The following ARAP1 variants were observed in gnomAD, a reference collection of about 807,000 sequenced individuals.
The protein encoded by ARAP1 is ArfGAP with RhoGAP domain, ankyrin repeat and PH domain 1.
ARAP1 carries 76 observed loss-of-function variants against 172.2 expected under a neutral mutation model. That is an observed-to-expected ratio of 0.44 (90% confidence interval 0.37 to 0.53). The LOEUF (loss-of-function observed/expected upper bound fraction) is 0.53, where lower values mean the gene tolerates loss of function less well. Among genes scored for constraint, ARAP1 ranks in the 20% least tolerant of loss-of-function variants. The pLI is 0.00. For missense variants in ARAP1, 1,686 were observed against 1,977.5 expected (o/e 0.85, Z 2.80); for synonymous variants, 804 against 803.3 (o/e 1.00, Z -0.01).
chr11:72,711,589 T>A (rs1365786464), intron 7 of ARAP1, 90 bp from the exon 8 acceptor site: 3 of 1,116,074 alleles, frequency 2.7e-6, no homozygotes, highest in Non-Finnish European at 4.0e-6. Context: ...ACACTCAGAG[T>A]GAGGATCAGC....
At position 72,741,698 on chromosome 11, in the gene ARAP1, G is replaced by A. The variant is rs1421070876; in HGVS notation, c.-127-9101C>T. 2.4e-4 allele frequency among the ~76,000 whole-genome samples: 37 copies of A among 152,134 alleles called. No homozygotes were observed. The highest frequency in any genetic ancestry group is 5.9e-5 in the Non-Finnish European group (4 of 68,004). ...ACCGCAGCAGGGTGGGAGTGCACAG[G>A]GCTGACCACAGAATCACAGGCAGCG... On this transcript the variant is annotated intron_variant, in intron 1 of 34. Coordinates refer to ENST00000393609, the MANE Select transcript of ARAP1 (RefSeq NM_001040118.3). The surrounding 1 kb of genome is among the most constrained non-coding windows in gnomAD (Gnocchi z 4.5).
rs116733333 is a variant in ARAP1 at position 72,729,186 on chromosome 11, A to G, written c.-44-2014T>C. Among the ~76,000 whole-genome samples, 1,112 of 152,346 alleles carry G rather than the reference A, an allele frequency of 7.3e-3. 10 individuals are homozygous for G. The highest frequency in any genetic ancestry group is 0.025 in the African/African-American group (1,051 of 41,582). On this transcript the variant is annotated intron_variant, in intron 2 of 34. Coordinates refer to ENST00000393609, the MANE Select transcript of ARAP1 (RefSeq NM_001040118.3). Reference sequence around the variant, plus strand: ...TCTCAAACTTGTGGGGAAACAAGGGATTCTTAAGTTGTTGGGACAGCTGTG... The same window carrying G: ...TCTCAAACTTGTGGGGAAACAAGGGGTTCTTAAGTTGTTGGGACAGCTGTG...
intron 3 of ARAP1, among the ~76,000 whole-genome samples, chr11:72,717,591 T>C (rs1857336693): frequency 6.6e-6 from 1 of 152,166 alleles, no homozygotes; most frequent in South Asian, 2.1e-4. Context: ...GCAGGCACGT[T>C]CCCTGAAGCA....
intron 34 of ARAP1, 76 bp from the exon 35 acceptor site, chr11:72,685,757 C>T (rs1314113939): frequency 1.3e-6 from 2 of 1,576,180 alleles, no homozygotes; most frequent in Non-Finnish European, 1.7e-6. Context: ...GCTGCTGCAG[C>T]TGCTGCAGCC....
intron 27 of ARAP1, among the ~76,000 whole-genome samples, chr11:72,694,277 G>T (rs2135499093): frequency 6.6e-6 from 1 of 151,898 alleles, no homozygotes; most frequent in South Asian, 2.1e-4. Context: ...CCACCCATCA[G>T]CGAGTAGCAA....
intron 30 of ARAP1, among the ~76,000 whole-genome samples, chr11:72,691,814 G>A (rs1855944116): frequency 6.6e-6 from 1 of 152,142 alleles, no homozygotes; most frequent in South Asian, 2.1e-4. Flanking sequence ...TTTGGTACCA[G>A]GGACCAGTTC....
intron 19 of ARAP1, 33 bp from the exon 20 acceptor site, chr11:72,697,682 T>C (rs1478461127): frequency 1.2e-6 from 2 of 1,612,870 alleles, no homozygotes; most frequent in African/African-American, 2.7e-5. Context: ...GAGGCCCAGG[T>C]CTTGCTCCTG....
chr11:72,745,252 G>C (rs1358336425), intron 1 of ARAP1, among the ~76,000 whole-genome samples: 1 of 138,976 alleles, frequency 7.2e-6, no homozygotes, highest in Non-Finnish European at 1.5e-5. Flanking sequence ...GCAGTGGCTC[G>C]ATCTCGGCTC....
In ARAP1 at chr11:72,707,393, G is replaced by C; in HGVS notation, c.1524-19C>G. The C allele has an allele frequency of 6.3e-7, 1 of 1,598,798 alleles. No individual in the cohort carries two copies. The highest frequency in any genetic ancestry group is 8.5e-7 in the Non-Finnish European group (1 of 1,170,250). ...AGAGAAGCTGGGGACATAGGGGTGG[G>C]GAGATTAGTGGGGATGGACTCAGAG... On this transcript the variant is annotated intron_variant, in intron 11 of 34. Coordinates refer to ENST00000393609, the MANE Select transcript of ARAP1 (RefSeq NM_001040118.3).
rs1857062030 is a variant in ARAP1, at chr11:72,712,420, G to A, written c.878+18C>T. 2.6e-6 allele frequency: 4 copies of A among 1,556,586 alleles called. No individual in the cohort carries two copies. Among genetic ancestry groups the A allele is most frequent in the Non-Finnish European group, 2.6e-6 (3 of 1,144,766 alleles). On this transcript the variant is annotated intron_variant, in intron 6 of 34. Coordinates refer to ENST00000393609, the MANE Select transcript of ARAP1 (RefSeq NM_001040118.3). ...CTGAGGTTGGGCTCAGTGGGAAGGAGGGTGGCCGGACACTCACTTGGGGAC... is the reference window on the plus strand; with the variant it reads ...CTGAGGTTGGGCTCAGTGGGAAGGAAGGTGGCCGGACACTCACTTGGGGAC...
chr11:72,737,727 A>G (rs563088053), intron 1 of ARAP1, among the ~76,000 whole-genome samples: 164 of 151,424 alleles, frequency 1.1e-3, no homozygotes, highest in Non-Finnish European at 1.8e-3. Flanking sequence ...GGCTCAAGTG[A>G]TCCTCCTACC....
intron 3 of ARAP1, among the ~76,000 whole-genome samples, chr11:72,721,447 G>T (rs1381590416): frequency 6.6e-6 from 1 of 152,136 alleles, no homozygotes; most frequent in Admixed American, 6.5e-5. Flanking sequence ...TCCCCAGAGG[G>T]GTGTAGGGAG....
Position 72,688,019 on chromosome 11 carries a change from A to G in ARAP1, c.4071-281T>C, listed in dbSNP as rs554250350. On this transcript the variant is annotated intron_variant, in intron 31 of 34. Coordinates refer to ENST00000393609, the MANE Select transcript of ARAP1 (RefSeq NM_001040118.3). ...TTTTTTTGTTGTTGTTTTTTTTTTG[A>G]GATAGGCTCTCACTCTGTCGCCCAG... is the stretch of plus-strand genomic sequence containing the variant. 2.7e-5 allele frequency among the ~76,000 whole-genome samples: 4 copies of G among 150,250 alleles called. No individual in the cohort carries two copies. In the East Asian group the frequency reaches 7.8e-4, roughly 29 times the overall value.
At chr11:72,738,932 G>A (rs955553334) in intron 1 of ARAP1, among the ~76,000 whole-genome samples, 7 of 151,484 alleles carry the variant, frequency 4.6e-5, no homozygotes, top group Admixed American at 1.3e-4. Context: ...CCCCCTCCCC[G>A]GCCCAGTCAC....
At chr11:72,711,694 CTT>C (rs58109830) in intron 7 of ARAP1, among the ~76,000 whole-genome samples, 195 bp from the exon 8 acceptor site, 8 of 118,880 alleles carry the variant, frequency 6.7e-5, no homozygotes, top group Admixed American at 1.8e-4. Context: ...TAGCACATCT[CTT>C]TTTTTTTTTT....
chr11:72,691,877 A>G (rs1855947305), intron 30 of ARAP1, among the ~76,000 whole-genome samples: 1 of 152,160 alleles, frequency 6.6e-6, no homozygotes, highest in East Asian at 1.9e-4. Context: ...ATAAAACTGT[A>G]AAACCTCAGA....
At position 72,699,945 on chromosome 11, in the gene ARAP1, A is replaced by C; in HGVS notation, c.2303-393T>G. The C allele has an allele frequency of 9.5e-6, 2 of 210,576 alleles. No individual in the cohort carries two copies. The highest frequency in any genetic ancestry group is 9.7e-6 in the Non-Finnish European group (1 of 102,602). The allele number at this position is 210,576 out of a possible 1,614,324, so 13.0% of individuals were successfully genotyped here. A position where few individuals can be genotyped will look rare whatever the true frequency, so the allele number is the denominator to read the frequency against. On this transcript the variant is annotated intron_variant, in intron 16 of 34. Coordinates refer to ENST00000393609, the MANE Select transcript of ARAP1 (RefSeq NM_001040118.3). This position sits in a 1 kb window ranked among gnomAD's most constrained non-coding sequence, Gnocchi z 4.2. Reference sequence around the variant, plus strand: ...CTGGACACACACATCCCTACCCAGCACTCCCAGCTTTTGCAAACCTTGTCC... The same window carrying C: ...CTGGACACACACATCCCTACCCAGCCCTCCCAGCTTTTGCAAACCTTGTCC...
chr11:72,713,846 CAAAAAAAAAA>C (rs71469440), intron 4 of ARAP1, among the ~76,000 whole-genome samples: 2 of 81,492 alleles, frequency 2.5e-5, no homozygotes, highest in Admixed American at 2.4e-4. Context: ...GACTCCATCT[CAAAAAAAAAA>C]AAAAAAAAGA....
In ARAP1 at chr11:72,713,232, A is replaced by G. The variant is rs1351808567; in HGVS notation, c.691T>C (p.Tyr231His). The G allele has an allele frequency of 6.2e-7, 1 of 1,613,410 alleles. No individual in the cohort carries two copies. The highest frequency in any genetic ancestry group is 8.5e-7 in the Non-Finnish European group (1 of 1,179,700). The change falls in exon 5 of 35, where the codon TAC (tyrosine) becomes CAC (histidine). Residue 231 changes from tyrosine (Y) to histidine (H), a missense_variant. Physicochemically the swap from Tyr to His is moderately conservative, Grantham distance 83. Coordinates refer to ENST00000393609, the MANE Select transcript of ARAP1 (RefSeq NM_001040118.3). ...RLFPEFDDSD[Y>H]DEVPEEGPGA... Reference sequence around the variant, plus strand: ...GGCCCCTCCTCTGGGACCTCATCGTAGTCAGAGTCATCTGGTGAGAGAGGG... The same window carrying G: ...GGCCCCTCCTCTGGGACCTCATCGTGGTCAGAGTCATCTGGTGAGAGAGGG...
Sources: allele counts gnomAD v4.1 joint callset (sites outside exome capture counted in the v4.1 genomes callset), GRCh38; gene constraint gnomAD v4.1.1; non-coding constraint Gnocchi (gnomAD v3.1); transcripts MANE v1.5; gene names NCBI Gene and HGNC (gene_info 2026-07-23, HGNC 2026-07-21).